Variants in DNAH11 observed in about 807,000 individuals in gnomAD.
The protein encoded by DNAH11 is dynein axonemal heavy chain 11.
Under a neutral mutation model 526.0 loss-of-function variants are expected in DNAH11, and 442 were observed. The observed-to-expected ratio is 0.84, with a 90% CI of 0.78 to 0.91. DNAH11 has a LOEUF of 0.91. Among genes scored for constraint, DNAH11 ranks in the 40% least tolerant of loss-of-function variants. The probability of loss-of-function intolerance (pLI) is 0.00; values close to 1 mark genes in which losing one functional copy is unlikely to be tolerated. For missense variants in DNAH11, 6,989 were observed against 5,448.7 expected (o/e 1.28, Z -8.90); for synonymous variants, 2,461 against 1,935.9 (o/e 1.27, Z -7.12).
intron 8 of DNAH11, among the ~76,000 whole-genome samples, chr7:21,580,150 G>A (rs1784256534): frequency 6.6e-6 from 1 of 152,168 alleles, no homozygotes; most frequent in Admixed American, 6.5e-5. Context: ...AGTGAGAAGG[G>A]AGGGAGGTGA....
intron 65 of DNAH11, among the ~76,000 whole-genome samples, chr7:21,825,890 T>C (rs548404060): frequency 1.2e-4 from 17 of 143,928 alleles, no homozygotes; most frequent in Middle Eastern, 7.4e-3. Context: ...ACCTGGGAGG[T>C]GGAGCTCGCA....
At chr7:21,591,906 T>G (rs1488664921) in intron 14 of DNAH11, among the ~76,000 whole-genome samples, 1 of 152,186 alleles carries the variant, frequency 6.6e-6, no homozygotes, top group Non-Finnish European at 1.5e-5. Context: ...GCCTCGTATG[T>G]GCCAAACAAA....
intron 51 of DNAH11, 48 bp downstream of exon 51, chr7:21,745,111 G>A: frequency 6.5e-7 from 1 of 1,543,734 alleles, no homozygotes; most frequent in Non-Finnish European, 8.8e-7. Flanking sequence ...AGAATGGCTG[G>A]ATATCCACTA....
intron 20 of DNAH11, among the ~76,000 whole-genome samples, chr7:21,609,600 A>T (rs543993609): frequency 1.3e-5 from 2 of 152,288 alleles, no homozygotes; most frequent in East Asian, 1.9e-4. Flanking sequence ...AATCAAAGGG[A>T]TATTGGCTTT....
Position 21,683,391 on chromosome 7 carries a change from TGTA to T in DNAH11, c.5461-390_5461-388del, listed in dbSNP as rs548616559. 5.3e-4 allele frequency among the ~76,000 whole-genome samples: 81 copies of T among 152,300 alleles called. 2 individuals are homozygous for T. Among genetic ancestry groups the T allele is most frequent in the African/African-American group, 1.9e-3 (78 of 41,576 alleles). On this transcript the variant is annotated intron_variant, in intron 31 of 81. Transcript: ENST00000409508. ...GTTTTAGAATGAACTTGGTTGAAAATGTAGTTTATTTATGCCTCTGCGATGCAG... is the reference window on the plus strand; with the variant it reads ...GTTTTAGAATGAACTTGGTTGAAAATGTTTATTTATGCCTCTGCGATGCAG...
chr7:21,783,959 G>T (rs1389111331), intron 57 of DNAH11, among the ~76,000 whole-genome samples: 2 of 152,200 alleles, frequency 1.3e-5, no homozygotes, highest in African/African-American at 4.8e-5. Flanking sequence ...GATCAAAAGA[G>T]CTTCAGATCT....
chr7:21,543,844 C>A (rs187895601), intron 1 of DNAH11: 1 of 547,034 alleles, frequency 1.8e-6, no homozygotes, highest in African/African-American at 1.9e-5. Flanking sequence ...TGAGCCTGTT[C>A]GACCAGGATA....
At chr7:21,899,521 C>A in intron 80 of DNAH11, 73 bp downstream of exon 80, 1 of 1,214,450 alleles carries the variant, frequency 8.2e-7, no homozygotes, top group Non-Finnish European at 1.2e-6. Flanking sequence ...CTTTGTTTAC[C>A]TATGATGGCG....
rs139575212 is a variant in DNAH11 at position 21,546,612 on chromosome 7, C to T, written c.495+1463C>T. On this transcript the variant is annotated intron_variant, in intron 2 of 81. Transcript: ENST00000409508. ...ATATTCTGAAAAAGGTATGCCTGCT[C>T]CTCAACATTATGATGTGTTTCCATA... 6.1e-4 allele frequency among the ~76,000 whole-genome samples: 93 copies of T among 152,240 alleles called. No homozygotes were observed. In the East Asian group the frequency reaches 7.9e-3, roughly 13 times the overall value.
At chr7:21,863,486 C>G (rs1400093976) in intron 69 of DNAH11, among the ~76,000 whole-genome samples, 1 of 152,158 alleles carries the variant, frequency 6.6e-6, no homozygotes, top group Non-Finnish European at 1.5e-5. Flanking sequence ...CACCACCACA[C>G]CCAGCTAATT....
rs747937156 is a variant in DNAH11 at position 21,710,583 on chromosome 7, C to G, written c.6714C>G (p.Phe2238Leu). 1.9e-6 allele frequency: 3 copies of G among 1,612,074 alleles called. No homozygotes were observed. In the South Asian group the frequency reaches 3.3e-5, roughly 18 times the overall value. Reference protein sequence around the residue: ...KIVYSYFIGLFSSILREQANL... With the variant: ...KIVYSYFIGLLSSILREQANL... The stretch of plus-strand genomic sequence containing the variant: ...TTTACTCTTATTTTATAGGTCTCTT[C>G]TCATCCATTCTACGAGAACAAGCAA... Residue 2238 changes from phenylalanine (F) to leucine (L), a missense_variant, in exon 41 of 82, where the codon TTC (phenylalanine) becomes TTG (leucine). Coordinates refer to ENST00000409508, the MANE Select transcript of DNAH11 (RefSeq NM_001277115.2).
intron 75 of DNAH11, among the ~76,000 whole-genome samples, chr7:21,883,031 A>C (rs1783978819): frequency 6.6e-6 from 1 of 152,176 alleles, no homozygotes; most frequent in African/African-American, 2.4e-5. Flanking sequence ...TAGTCCATGC[A>C]GTGGTTGAGA....
intron 32 of DNAH11, among the ~76,000 whole-genome samples, chr7:21,685,733 G>T (rs1354069737): frequency 6.6e-6 from 1 of 152,186 alleles, no homozygotes; most frequent in Non-Finnish European, 1.5e-5. Flanking sequence ...ACAGAAGTGG[G>T]TATCTCACTG....
intron 26 of DNAH11, 101 bp downstream of exon 26, chr7:21,636,196 AAGCAGG>A (rs1469322223): frequency 1.9e-5 from 20 of 1,027,538 alleles, no homozygotes; most frequent in Non-Finnish European, 2.8e-5. Context: ...TTGCATGAGT[AAGCAGG>A]AGTCAGGAGA....
At position 21,884,363 on chromosome 7, in the gene DNAH11, C is replaced by G; in HGVS notation, c.12460C>G (p.Arg4154Gly). ...AGGCCACATCACAGATGACTGGGAT[C>G]GCAAACTGTGTCGGGTGTATTTAGA... ...YGGHITDDWD[R>G]KLCRVYLEEF... is the part of the protein sequence containing the mutation. The change falls in exon 76 of 82, where the codon CGC becomes GGC. Residue 4154 changes from arginine to glycine, a missense_variant. Transcript: ENST00000409508. 1.2e-6 allele frequency: 2 copies of G among 1,613,158 alleles called. No homozygotes were observed. The highest frequency in any genetic ancestry group is 1.7e-6 in the Non-Finnish European group (2 of 1,179,394).
intron 59 of DNAH11, among the ~76,000 whole-genome samples, 157 bp downstream of exon 59, chr7:21,786,924 T>G (rs1341529265): frequency 6.6e-6 from 1 of 152,224 alleles, no homozygotes; most frequent in South Asian, 2.1e-4. Flanking sequence ...GACTTACAGC[T>G]TTTGTTTGCC....
intron 48 of DNAH11, among the ~76,000 whole-genome samples, chr7:21,740,087 G>C (rs1281565833): frequency 6.6e-6 from 1 of 152,094 alleles, no homozygotes; most frequent in Non-Finnish European, 1.5e-5. Context: ...ACAAGTATCA[G>C]CTGTTAACAG....
At chr7:21,626,745 C>CTTTTTTTTTTTTTTTTTTTTTTTTTTTTT (rs34136253) in intron 25 of DNAH11, among the ~76,000 whole-genome samples, 1 of 66,386 alleles carries the variant, frequency 1.5e-5, no homozygotes. Context: ...TTCTGTATGT[C>CTTTTTTTTTTTTTTTTTTTTTTTTTTTTT]TTTTTTTTTT....
chr7:21,882,102 T>G (rs1211750686), intron 75 of DNAH11, among the ~76,000 whole-genome samples: 2 of 152,222 alleles, frequency 1.3e-5, no homozygotes, highest in Non-Finnish European at 2.9e-5. Flanking sequence ...ATTCATGTCC[T>G]TCATAACTGT....
Sources: allele counts gnomAD v4.1 joint callset (sites outside exome capture counted in the v4.1 genomes callset), GRCh38; gene constraint gnomAD v4.1.1; transcripts MANE v1.5; gene names NCBI Gene and HGNC (gene_info 2026-07-23, HGNC 2026-07-21).